CSTPP1: variants seen among roughly 807,000 people sequenced by gnomAD.
The protein encoded by CSTPP1 is centriolar satellite-associated tubulin polyglutamylase complex regulator 1.
the CSTPP1 span, among the ~76,000 whole-genome samples, chr11:46,951,368 C>T: frequency 6.7e-6 from 1 of 148,704 alleles, no homozygotes; most frequent in African/African-American, 2.5e-5. Flanking sequence ...ATGATCATGG[C>T]TCAGTGTAGC....
At chr11:47,087,710 CA>C in the CSTPP1 span, among the ~76,000 whole-genome samples, 1 of 151,760 alleles carries the variant, frequency 6.6e-6, no homozygotes, top group African/African-American at 2.4e-5. Context: ...ATGTGTATGT[CA>C]AATGTATGTG....
the CSTPP1 span, among the ~76,000 whole-genome samples, chr11:47,087,120 A>T: frequency 2.0e-5 from 3 of 152,342 alleles, no homozygotes; most frequent in African/African-American, 4.8e-5. Context: ...GAAATTCTCC[A>T]GGAGTGTAAA....
chr11:47,144,075 A>G, the CSTPP1 span, among the ~76,000 whole-genome samples: 1 of 152,184 alleles, frequency 6.6e-6, no homozygotes. Context: ...CTGTTTTTAT[A>G]TCTGTAAAAT....
chr11:47,022,194 A>T, the CSTPP1 span, among the ~76,000 whole-genome samples: 2 of 151,538 alleles, frequency 1.3e-5, no homozygotes, highest in African/African-American at 2.4e-5. Context: ...CTTTCATTCC[A>T]TTTATGTTTT....
the CSTPP1 span, among the ~76,000 whole-genome samples, chr11:47,079,811 C>T: frequency 1.4e-4 from 22 of 152,152 alleles, no homozygotes; most frequent in Middle Eastern, 3.4e-3. Flanking sequence ...GGAAGAAATA[C>T]GGCCGGGCGC....
At chr11:47,007,798 G>C in the CSTPP1 span, among the ~76,000 whole-genome samples, 1 of 152,054 alleles carries the variant, frequency 6.6e-6, no homozygotes, top group East Asian at 1.9e-4. Flanking sequence ...GATGGCCTGG[G>C]CACTAGCAAT....
the CSTPP1 span, among the ~76,000 whole-genome samples, chr11:47,022,174 T>C: frequency 2.0e-5 from 3 of 151,980 alleles, no homozygotes; most frequent in African/African-American, 7.2e-5. Context: ...CATCATCTTA[T>C]TAAAAGCCAC....
At chr11:46,961,196 G>C in the CSTPP1 span, among the ~76,000 whole-genome samples, 2 of 152,158 alleles carry the variant, frequency 1.3e-5, no homozygotes, top group East Asian at 1.9e-4. Flanking sequence ...CAGTATATGA[G>C]GGTTCTAATT....
At chr11:47,007,525 A>G in the CSTPP1 span, among the ~76,000 whole-genome samples, 1 of 151,170 alleles carries the variant, frequency 6.6e-6, no homozygotes, top group Non-Finnish European at 1.5e-5. Context: ...CTTGTCTTTC[A>G]TTTGCTTGAA....
the CSTPP1 span, among the ~76,000 whole-genome samples, chr11:46,966,847 G>T: frequency 6.6e-6 from 1 of 152,210 alleles, no homozygotes; most frequent in Non-Finnish European, 1.5e-5. Flanking sequence ...AGCTTGGGCT[G>T]TCATAACAAA....
At chr11:47,036,041 A>ATATATATATATATATATATAT in the CSTPP1 span, among the ~76,000 whole-genome samples, 2 of 11,956 alleles carry the variant, frequency 1.7e-4, 1 homozygote, top group African/African-American at 1.3e-3. Flanking sequence ...AAAGATATAT[A>ATATATATATATATATATATAT]TATATATATA....
chr11:47,014,567 G>C, the CSTPP1 span, among the ~76,000 whole-genome samples: 1 of 151,956 alleles, frequency 6.6e-6, no homozygotes, highest in Non-Finnish European at 1.5e-5. Context: ...GCCAGGCGTG[G>C]TGGTGCATGA....
At chr11:46,987,346 C>A in the CSTPP1 span, 1 of 1,556,388 alleles carries the variant, frequency 6.4e-7, no homozygotes, top group Non-Finnish European at 8.9e-7. Flanking sequence ...ACAGTGAACC[C>A]AGAGGAGGCG....
At chr11:47,116,685 T>TG in the CSTPP1 span, among the ~76,000 whole-genome samples, 2 of 139,530 alleles carry the variant, frequency 1.4e-5, no homozygotes, top group Non-Finnish European at 3.1e-5. Flanking sequence ...GTTTTTTTTT[T>TG]TTTTTTTTTT....
the CSTPP1 span, among the ~76,000 whole-genome samples, chr11:46,963,820 G>GT: frequency 6.6e-6 from 1 of 151,280 alleles, no homozygotes; most frequent in Non-Finnish European, 1.5e-5. Context: ...AACTAATGTA[G>GT]TTTGTTTGAA....
At chr11:47,051,611 T>G in the CSTPP1 span, among the ~76,000 whole-genome samples, 1 of 151,934 alleles carries the variant, frequency 6.6e-6, no homozygotes, top group Non-Finnish European at 1.5e-5. Flanking sequence ...GAACAGCCAC[T>G]CCAGTTATGT....
At chr11:47,095,295 T>A in the CSTPP1 span, among the ~76,000 whole-genome samples, 1 of 152,214 alleles carries the variant, frequency 6.6e-6, no homozygotes, top group Non-Finnish European at 1.5e-5. Flanking sequence ...CAGGATTTCA[T>A]TTATGAACTT....
the CSTPP1 span, among the ~76,000 whole-genome samples, chr11:47,069,625 C>T: frequency 1.3e-5 from 2 of 152,086 alleles, no homozygotes; most frequent in African/African-American, 4.8e-5. Context: ...ATATTTCATG[C>T]TTTGAAGGAC....
chr11:47,043,818 C>G, the CSTPP1 span, among the ~76,000 whole-genome samples: 1 of 152,018 alleles, frequency 6.6e-6, no homozygotes, highest in Non-Finnish European at 1.5e-5. Flanking sequence ...ATGGCGAAAC[C>G]CTGTCTCTAC....
Sources: gnomAD v4.1 joint callset for allele counts (sites outside exome capture counted in the v4.1 genomes callset) on GRCh38, gnomAD v4.1.1 for gene constraint, MANE v1.5 for transcripts, NCBI Gene and HGNC (gene_info 2026-07-23, HGNC 2026-07-21) for gene names.